The following TAX1BP1 variants were observed in gnomAD, a reference collection of about 807,000 sequenced individuals.
The protein encoded by TAX1BP1 is tax1-binding protein 1.
Under a neutral mutation model 97.7 loss-of-function variants are expected in TAX1BP1, and 62 were observed. That is an observed-to-expected ratio of 0.63 (90% CI 0.52 to 0.78). The LOEUF is 0.78. TAX1BP1 is among the 30% of genes least tolerant of loss of function. TAX1BP1 has a pLI of 0.00. For synonymous variants in TAX1BP1, 340 were observed against 304.2 expected, an observed-to-expected ratio of 1.12 and a Z score of -1.23; for missense variants, 867 against 916.1, an observed-to-expected ratio of 0.95 and a Z score of 0.69.
intron 4 of TAX1BP1, among the ~76,000 whole-genome samples, chr7:27,766,927 T>C (rs1788669531): frequency 6.6e-6 from 1 of 152,126 alleles, no homozygotes; most frequent in Non-Finnish European, 1.5e-5. Context: ...TAACCATAAT[T>C]TAAAAAGAAA....
chr7:27,764,136 C>A (rs935789924), intron 3 of TAX1BP1, among the ~76,000 whole-genome samples: 1 of 152,160 alleles, frequency 6.6e-6, no homozygotes, highest in Admixed American at 6.5e-5. Flanking sequence ...ATTTAAGAAA[C>A]CAATAGTTTA....
chr7:27,750,467 T>C (rs1787981118), intron 2 of TAX1BP1, among the ~76,000 whole-genome samples: 1 of 152,184 alleles, frequency 6.6e-6, no homozygotes, highest in Non-Finnish European at 1.5e-5. Flanking sequence ...ATACTGAATC[T>C]GTATAAGCAG....
intron 8 of TAX1BP1, among the ~76,000 whole-genome samples, chr7:27,789,583 C>G (rs893577167): frequency 6.6e-6 from 1 of 151,646 alleles, no homozygotes; most frequent in Admixed American, 6.6e-5. Flanking sequence ...CATTTTGCAC[C>G]TTTTTCTCAC....
At chr7:27,806,068 C>G (rs890094812) in intron 13 of TAX1BP1, among the ~76,000 whole-genome samples, 1 of 150,952 alleles carries the variant, frequency 6.6e-6, no homozygotes, top group African/African-American at 2.4e-5. Flanking sequence ...GTGTTTTGTT[C>G]TAATACTGAT....
In TAX1BP1 at chr7:27,792,672, A is replaced by T. The variant is rs73295588; in HGVS notation, c.1264-394A>T. On this transcript the variant is annotated intron_variant, in intron 9 of 16. Transcript: ENST00000396319. ...TGCTCTGTAGCCAAAATCCCAAAAT[A>T]AAAAAGTGGCCGGGGACAGTTGCTC... 6.3e-3 allele frequency among the ~76,000 whole-genome samples: 966 copies of T among 152,252 alleles called. 13 individuals carry two copies. The highest frequency in any genetic ancestry group is 0.022 in the African/African-American group (929 of 41,540).
At chr7:27,786,818 G>C (rs1789502679) in intron 7 of TAX1BP1, among the ~76,000 whole-genome samples, 1 of 152,168 alleles carries the variant, frequency 6.6e-6, no homozygotes, top group Non-Finnish European at 1.5e-5. Context: ...GGATATACTT[G>C]ATAGTGTACA....
chr7:27,782,933 C>G (rs1441000020), intron 5 of TAX1BP1, among the ~76,000 whole-genome samples: 1 of 151,992 alleles, frequency 6.6e-6, no homozygotes, highest in Non-Finnish European at 1.5e-5. Context: ...ATTTTAAATA[C>G]TTTTAAAATG....
chr7:27,745,432 GT>G (rs1787781671), intron 1 of TAX1BP1, among the ~76,000 whole-genome samples: 2 of 120,118 alleles, frequency 1.7e-5, no homozygotes, highest in African/African-American at 6.6e-5. Flanking sequence ...TTTAAAATGG[GT>G]TGATAATGAC....
intron 5 of TAX1BP1, chr7:27,771,944 A>G (rs544918542): frequency 6.6e-6 from 1 of 152,194 alleles, no homozygotes; most frequent in South Asian, 2.1e-4. Flanking sequence ...AGAATCATCA[A>G]GGAAGGACTA....
At chr7:27,753,737 A>C (rs1420338992) in intron 2 of TAX1BP1, among the ~76,000 whole-genome samples, 1 of 152,222 alleles carries the variant, frequency 6.6e-6, no homozygotes, top group African/African-American at 2.4e-5. Context: ...TTGAATAATC[A>C]GATCTTTCAC....
intron 5 of TAX1BP1, among the ~76,000 whole-genome samples, chr7:27,784,139 A>G (rs1789374816): frequency 2.0e-5 from 3 of 152,166 alleles, no homozygotes; most frequent in African/African-American, 7.2e-5. Flanking sequence ...TATAAATACT[A>G]TATAATCTTT....
At chr7:27,818,470 G>A (rs1013327450) in intron 15 of TAX1BP1, among the ~76,000 whole-genome samples, 3 of 152,144 alleles carry the variant, frequency 2.0e-5, no homozygotes, top group African/African-American at 4.8e-5. Flanking sequence ...AAGCAAATTT[G>A]AGTTGACCTG....
chr7:27,820,143 A>T (rs1239690662), intron 15 of TAX1BP1, among the ~76,000 whole-genome samples: 5 of 152,210 alleles, frequency 3.3e-5, no homozygotes, highest in African/African-American at 1.2e-4. Flanking sequence ...CCAGATTATT[A>T]TCTCTTCCCT....
intron 13 of TAX1BP1, among the ~76,000 whole-genome samples, chr7:27,810,472 A>G (rs910852697): frequency 3.3e-5 from 5 of 152,180 alleles, no homozygotes; most frequent in South Asian, 4.1e-4. Context: ...CCTGATTCCA[A>G]TCTACCATGC....
At position 27,829,509 on chromosome 7, in the gene TAX1BP1, C is replaced by G; in HGVS notation, c.*680C>G. 1 of 152,132 alleles carries G rather than the reference C, an allele frequency of 6.6e-6. No individual in the cohort carries two copies. Among genetic ancestry groups the G allele is most frequent in the East Asian group, 1.9e-4 (1 of 5,204 alleles). 9.4% of individuals were successfully genotyped at this position (152,132 alleles called of 1,614,324 possible). A position where few individuals can be genotyped will look rare whatever the true frequency, so the allele number is the denominator to read the frequency against. On this transcript the variant is annotated 3_prime_UTR_variant, in exon 17 of 17. Coordinates refer to ENST00000396319, the MANE Select transcript of TAX1BP1 (RefSeq NM_006024.7). The stretch of plus-strand genomic sequence containing the variant: ...GTATATATCTAATGGGAAAATGGAA[C>G]AAGAGATGTCAGTATAATTGTTTTC...
At chr7:27,781,908 A>G (rs1049902442) in intron 5 of TAX1BP1, among the ~76,000 whole-genome samples, 1 of 151,922 alleles carries the variant, frequency 6.6e-6, no homozygotes, top group African/African-American at 2.4e-5. Flanking sequence ...TAGTAGAGAC[A>G]GGGTTTCACC....
chr7:27,787,273 A>G (rs1789524985), intron 7 of TAX1BP1, 145 bp from the exon 8 acceptor site: 2 of 609,414 alleles, frequency 3.3e-6, no homozygotes, highest in South Asian at 7.6e-5. Context: ...GTCATTTGGC[A>G]GAACCTGGGT....
chr7:27,759,100 T>A (rs544571498), intron 3 of TAX1BP1, among the ~76,000 whole-genome samples: 1 of 152,286 alleles, frequency 6.6e-6, no homozygotes, highest in East Asian at 1.9e-4. Context: ...ATTCTTACCC[T>A]TGTATATGTC....
Position 27,828,963 on chromosome 7 carries a change from A to G in TAX1BP1, c.*134A>G. ...TTACTGCACTTTCTGACCAGGAGCT[A>G]CTTTGAGTTTGGTGTTACTAGGATC... is the stretch of plus-strand genomic sequence containing the variant. On this transcript the variant is annotated 3_prime_UTR_variant, in exon 17 of 17. Coordinates refer to ENST00000396319, the MANE Select transcript of TAX1BP1 (RefSeq NM_006024.7). 1 of 657,002 alleles carries G rather than the reference A, an allele frequency of 1.5e-6. No individual in the cohort carries two copies. The highest frequency in any genetic ancestry group is 3.9e-4 in the Middle Eastern group (1 of 2,554). 40.7% of individuals were successfully genotyped at this position (657,002 alleles called of 1,614,324 possible). A position where few individuals can be genotyped will look rare whatever the true frequency, so the allele number is the denominator to read the frequency against.
Sources: gnomAD v4.1 joint callset for allele counts (sites outside exome capture counted in the v4.1 genomes callset) on GRCh38, gnomAD v4.1.1 for gene constraint, MANE v1.5 for transcripts, NCBI Gene and HGNC (gene_info 2026-07-23, HGNC 2026-07-21) for gene names.